Variants in AFF2 observed in about 807,000 individuals in gnomAD.
The protein encoded by AFF2 is ALF transcription elongation factor 2.
In AFF2, 14 loss-of-function variants were observed where a neutral mutation model predicts 76.9. The observed-to-expected ratio is 0.18, with a 90% CI of 0.12 to 0.28. The LOEUF (loss-of-function observed/expected upper bound fraction) is 0.28, where lower values mean the gene tolerates loss of function less well. Among genes scored for constraint, AFF2 ranks in the 10% least tolerant of loss-of-function variants. The pLI, the probability that AFF2 is intolerant of heterozygous loss-of-function variation, is 1.00. For missense variants in AFF2, 868 were observed against 1,001.1 expected, an observed-to-expected ratio of 0.87 and a Z score of 1.79; for synonymous variants, 398 against 366.7, an observed-to-expected ratio of 1.09 and a Z score of -0.98.
intron 1 of AFF2, among the ~76,000 whole-genome samples, chrX:148,560,173 AG>A (rs1365791357): frequency 9.0e-6 from 1 of 111,673 alleles, no homozygotes; most frequent in Non-Finnish European, 1.9e-5. Context: ...TAACCAAAAC[AG>A]CATGGTACTG....
chrX:148,563,055 G>A (rs2053131785), intron 1 of AFF2, among the ~76,000 whole-genome samples: 1 of 112,071 alleles, frequency 8.9e-6, no homozygotes, highest in Non-Finnish European at 1.9e-5. Context: ...ATGAGAGGAA[G>A]CTGGTCAAGT....
chrX:148,713,082 C>G (rs2054988026), intron 3 of AFF2, among the ~76,000 whole-genome samples: 1 of 110,647 alleles, frequency 9.0e-6, no homozygotes, highest in Non-Finnish European at 1.9e-5. Flanking sequence ...GTGGGAAGAG[C>G]CTTCCAAACA....
intron 1 of AFF2, among the ~76,000 whole-genome samples, chrX:148,512,431 G>C (rs1415460384): frequency 8.9e-6 from 1 of 112,022 alleles, no homozygotes; most frequent in African/African-American, 3.2e-5. Context: ...CACGACACAC[G>C]TCTGCCATAC....
intron 19 of AFF2, among the ~76,000 whole-genome samples, chrX:148,982,446 C>T (rs2072406903): frequency 8.9e-6 from 1 of 111,971 alleles, no homozygotes. Context: ...GAACAAGGTG[C>T]TGTGGAAGCC....
rs2072604021 is a variant in AFF2, at chrX:148,996,659, T to TTA, written c.*5327_*5328insTA. The TTA allele has an allele frequency of 8.9e-6, 1 of 112,044 alleles. No homozygotes were observed. Among genetic ancestry groups the TTA allele is most frequent in the Non-Finnish European group, 1.9e-5 (1 of 53,234 alleles). The allele number at this position is 112,044 out of a possible 1,213,427, so 9.2% of individuals were successfully genotyped here. ...TCAATGTGTGAATGTAGAAAGCTTA[T>TTA]GATAAGGCCCTAGAGGTATGGGTTG... On this transcript the variant is annotated 3_prime_UTR_variant, in exon 21 of 21. Coordinates refer to ENST00000370460, the MANE Select transcript of AFF2 (RefSeq NM_002025.4).
At chrX:148,556,449 CATATTTTTT>C (rs1244732635) in intron 1 of AFF2, among the ~76,000 whole-genome samples, 4 of 111,818 alleles carry the variant, frequency 3.6e-5, no homozygotes, top group Admixed American at 1.9e-4. Context: ...CCTCTGGCTG[CATATTTTTT>C]TACTCCAGAA....
chrX:148,619,274 T>G (rs1482606399), intron 1 of AFF2, among the ~76,000 whole-genome samples: 16 of 111,445 alleles, frequency 1.4e-4, no homozygotes, highest in Non-Finnish European at 3.8e-5. Context: ...CAGGTGCTAA[T>G]GTCAGCAAAA....
intron 7 of AFF2, among the ~76,000 whole-genome samples, chrX:148,861,346 A>G (rs2070846090): frequency 8.9e-6 from 1 of 112,245 alleles, no homozygotes; most frequent in Non-Finnish European, 1.9e-5. Context: ...GTGAGGCAAA[A>G]TTATTTTAAG....
chrX:148,949,622 A>C (rs1486728572), intron 9 of AFF2, among the ~76,000 whole-genome samples: 3 of 112,724 alleles, frequency 2.7e-5, no homozygotes. Context: ...CTGATCTTTG[A>C]GAAGGTTGAG....
intron 7 of AFF2, among the ~76,000 whole-genome samples, chrX:148,865,849 C>T (rs2070899498): frequency 9.0e-6 from 1 of 111,270 alleles, no homozygotes; most frequent in Admixed American, 9.6e-5. Context: ...TGTAGCTGAC[C>T]CTGACTAGGA....
chrX:148,778,067 G>A (rs190386143), intron 3 of AFF2, among the ~76,000 whole-genome samples: 1 of 112,087 alleles, frequency 8.9e-6, no homozygotes, highest in East Asian at 2.8e-4. Context: ...ATGAAGCAGT[G>A]TTGAATTTTA....
At chrX:148,715,681 C>T (rs1557263305) in intron 3 of AFF2, among the ~76,000 whole-genome samples, 1 of 112,162 alleles carries the variant, frequency 8.9e-6, no homozygotes, top group Non-Finnish European at 1.9e-5. Context: ...GATGAATTCA[C>T]TGCTCAACAG....
chrX:148,609,345 A>G (rs2053704514), intron 1 of AFF2, among the ~76,000 whole-genome samples: 1 of 111,922 alleles, frequency 8.9e-6, no homozygotes, highest in Non-Finnish European at 1.9e-5. Context: ...GGTGTAATTT[A>G]TAACAAGCTA....
chrX:148,819,093 G>A (rs371792602), intron 4 of AFF2, among the ~76,000 whole-genome samples: 3 of 110,820 alleles, frequency 2.7e-5, no homozygotes, highest in South Asian at 3.8e-4. Flanking sequence ...TATCAATGCC[G>A]AGAAGCAAGT....
intron 3 of AFF2, among the ~76,000 whole-genome samples, chrX:148,784,010 G>A (rs1557269290): frequency 8.9e-6 from 1 of 111,858 alleles, no homozygotes; most frequent in East Asian, 2.8e-4. Context: ...AGTTCTGGGA[G>A]CAAATGCCCC....
At chrX:148,565,341 T>G in intron 1 of AFF2, among the ~76,000 whole-genome samples, 1 of 111,667 alleles carries the variant, frequency 9.0e-6, no homozygotes, top group Non-Finnish European at 1.9e-5. Context: ...TCAAACACTT[T>G]ACTCAATATT....
intron 20 of AFF2, among the ~76,000 whole-genome samples, chrX:148,989,265 T>C (rs1430135046): frequency 6.2e-5 from 7 of 112,704 alleles, no homozygotes; most frequent in Non-Finnish European, 1.3e-4. Context: ...GTTCAATATT[T>C]ATGGATTTCC....
intron 3 of AFF2, among the ~76,000 whole-genome samples, chrX:148,678,671 C>A (rs193185943): frequency 8.9e-6 from 1 of 111,913 alleles, no homozygotes; most frequent in East Asian, 2.8e-4. Context: ...TTTTCCATAA[C>A]CCAAAGATAC....
At chrX:148,985,205 C>T (rs1162509859) in intron 19 of AFF2, among the ~76,000 whole-genome samples, 3 of 102,919 alleles carry the variant, frequency 2.9e-5, no homozygotes, top group African/African-American at 1.1e-4. Flanking sequence ...GGCTGGTTTT[C>T]GAACTCCTGA....
Sources: allele counts gnomAD v4.1 joint callset (sites outside exome capture counted in the v4.1 genomes callset), GRCh38; gene constraint gnomAD v4.1.1; transcripts MANE v1.5; gene names NCBI Gene and HGNC (gene_info 2026-07-23, HGNC 2026-07-21).